DPYSL2: variants seen among roughly 807,000 people sequenced by gnomAD.
The protein encoded by DPYSL2 is dihydropyrimidinase-related protein 2.
Under a neutral mutation model 69.9 loss-of-function variants are expected in DPYSL2, and 13 were observed. The ratio of observed to expected loss-of-function variants is 0.19; its 90% CI spans 0.12 to 0.30. The LOEUF (loss-of-function observed/expected upper bound fraction) is 0.30. Among genes scored for constraint, DPYSL2 ranks in the 10% least tolerant of loss-of-function variants. DPYSL2 has a pLI of 1.00. For synonymous variants in DPYSL2, 326 were observed against 359.1 expected (o/e 0.91, Z 1.04); for missense variants, 587 against 918.9 (o/e 0.64, Z 4.67).
At chr8:26,561,698 A>G (rs900463801) in intron 1 of DPYSL2, among the ~76,000 whole-genome samples, 1 of 152,210 alleles carries the variant, frequency 6.6e-6, no homozygotes, top group South Asian at 2.1e-4. Flanking sequence ...TTTTGGGATG[A>G]AACTGTCCCA....
rs934822964 is a variant in DPYSL2, at chr8:26,627,535, C to T, written c.936+240C>T. Among the ~76,000 whole-genome samples, 5 of 152,152 alleles carry T rather than the reference C, an allele frequency of 3.3e-5. No individual in the cohort carries two copies. Among genetic ancestry groups the T allele is most frequent in the African/African-American group, 4.8e-5 (2 of 41,438 alleles). ...TATTGCAGAGAGAGGCCATTTCTCT[C>T]GGTGCTGTAACGCAGCTGCCTTGGG... On this transcript the variant is annotated intron_variant, in intron 6 of 13. Transcript: ENST00000521913. This position sits in a 1 kb window ranked among gnomAD's most constrained non-coding sequence, Gnocchi z 6.9.
At chr8:26,604,055 A>G (rs1403216458) in intron 3 of DPYSL2, among the ~76,000 whole-genome samples, 2 of 152,198 alleles carry the variant, frequency 1.3e-5, no homozygotes, top group East Asian at 1.9e-4. Context: ...CTGATTTGTC[A>G]TATAATTTCA....
chr8:26,648,048 G>A lies in DPYSL2; in HGVS notation c.1596+248G>A, dbSNP rs58217714. Among the ~76,000 whole-genome samples, 962 of 152,232 alleles carry A rather than the reference G, an allele frequency of 6.3e-3. 11 individuals are homozygous for A. Among genetic ancestry groups the A allele is most frequent in the African/African-American group, 0.022 (927 of 41,534 alleles). Reference sequence around the variant, plus strand: ...GCCTCTCTATCTATAGACCTTTAGAGCCTCTAAAGTGATGTCAGGATGTGC... The same window carrying A: ...GCCTCTCTATCTATAGACCTTTAGAACCTCTAAAGTGATGTCAGGATGTGC... On this transcript the variant is annotated intron_variant, in intron 11 of 13. Transcript: ENST00000521913. The surrounding 1 kb of genome is among the most constrained non-coding windows in gnomAD (Gnocchi z 4.3).
At chr8:26,600,063 G>A (rs1282119292) in intron 3 of DPYSL2, among the ~76,000 whole-genome samples, 1 of 152,124 alleles carries the variant, frequency 6.6e-6, no homozygotes, top group Non-Finnish European at 1.5e-5. Context: ...TGTTTTCAAG[G>A]TTTATCCAAG....
At position 26,598,927 on chromosome 8, in the gene DPYSL2, C is replaced by T. The variant is rs1801928707; in HGVS notation, c.628+14944C>T. 6.6e-6 allele frequency among the ~76,000 whole-genome samples: 1 copy of T among 152,216 alleles called. No individual in the cohort carries two copies. Among genetic ancestry groups the T allele is most frequent in the Admixed American group, 6.5e-5 (1 of 15,288 alleles). On this transcript the variant is annotated intron_variant, in intron 3 of 13. Transcript: ENST00000521913. This position sits in a 1 kb window ranked among gnomAD's most constrained non-coding sequence, Gnocchi z 4.2. ...CCCACTGTGCGTATTCTTAGCTGCG[C>T]AAGTGTCGTGCATGTGCGTTTGGCT...
intron 1 of DPYSL2, chr8:26,578,121 C>G: frequency 6.5e-7 from 1 of 1,541,948 alleles, no homozygotes; most frequent in Non-Finnish European, 8.7e-7. Context: ...ATAGCAAGAC[C>G]AGCGAAGCGG....
chr8:26,517,652 AG>A lies in DPYSL2; in HGVS notation c.354+2974del, dbSNP rs1808313933. Among the ~76,000 whole-genome samples, 1 of 152,196 alleles carries A rather than the reference AG, an allele frequency of 6.6e-6. No homozygotes were observed. The highest frequency in any genetic ancestry group is 2.1e-4 in the South Asian group (1 of 4,834). ...CTCCAGACACAGCGTAGCCAGAACC[AG>A]TGGCTCCACCAGCAATACTGGACCA... On this transcript the variant is annotated intron_variant, in intron 1 of 13. Coordinates refer to ENST00000521913, the MANE Select transcript of DPYSL2 (RefSeq NM_001197293.3). This position sits in a 1 kb window ranked among gnomAD's most constrained non-coding sequence, Gnocchi z 4.2.
intron 1 of DPYSL2, chr8:26,577,048 C>G (rs2129709696): frequency 2.6e-6 from 1 of 390,684 alleles, no homozygotes; most frequent in Admixed American, 2.9e-5. Flanking sequence ...CTAAGTTCCT[C>G]GCGGCCGGAA....
chr8:26,648,316 C>T lies in DPYSL2; in HGVS notation c.1596+516C>T, dbSNP rs60720975. On this transcript the variant is annotated intron_variant, in intron 11 of 13. Coordinates refer to ENST00000521913, the MANE Select transcript of DPYSL2 (RefSeq NM_001197293.3). This position sits in a 1 kb window ranked among gnomAD's most constrained non-coding sequence, Gnocchi z 4.3. Reference sequence around the variant, plus strand: ...GACTGACTTCTCCCTAACAGAAGTACCCCCCAGCCATTTGATTGTTGTTTT... The same window carrying T: ...GACTGACTTCTCCCTAACAGAAGTATCCCCCAGCCATTTGATTGTTGTTTT... 2.2e-3 allele frequency among the ~76,000 whole-genome samples: 328 copies of T among 152,286 alleles called. 1 individual carries two copies. The highest frequency in any genetic ancestry group is 7.5e-3 in the African/African-American group (310 of 41,550).
intron 1 of DPYSL2, among the ~76,000 whole-genome samples, chr8:26,526,641 C>T (rs1808482543): frequency 2.0e-5 from 3 of 152,142 alleles, no homozygotes; most frequent in African/African-American, 4.8e-5. Flanking sequence ...CCTCTTTTGT[C>T]ATTGTTTGAA....
Position 26,626,499 on chromosome 8 carries a change from AC to A in DPYSL2, c.794-117del. ...TGTACTGAAACACACACACACACAC[AC>A]ACACACACACACACACACACACGTA... is the stretch of plus-strand genomic sequence containing the variant. On this transcript the variant is annotated intron_variant, in intron 4 of 13. Coordinates refer to ENST00000521913, the MANE Select transcript of DPYSL2 (RefSeq NM_001197293.3). This position sits in a 1 kb window ranked among gnomAD's most constrained non-coding sequence, Gnocchi z 4.3. 1.4e-6 allele frequency: 1 copy of A among 739,810 alleles called. No homozygotes were observed. 45.8% of individuals were successfully genotyped at this position (739,810 alleles called of 1,614,324 possible).
At chr8:26,547,916 C>A (rs1032228140) in intron 1 of DPYSL2, 15 of 269,940 alleles carry the variant, frequency 5.6e-5, no homozygotes, top group Admixed American at 5.3e-4. Flanking sequence ...CCATCCCAGA[C>A]CCTCTATCCA....
rs150016990 is a variant in DPYSL2, at chr8:26,645,825, C to T, written c.1425+1734C>T. On this transcript the variant is annotated intron_variant, in intron 10 of 13. Transcript: ENST00000521913. The stretch of plus-strand genomic sequence containing the variant: ...TTGACCTCCCAAAGTGCTGGCATTA[C>T]AGATGTGAGCCACCATGCCTGGCCA... Among the ~76,000 whole-genome samples, 800 of 152,070 alleles carry T rather than the reference C, an allele frequency of 5.3e-3. 4 individuals are homozygous for T. Among genetic ancestry groups the T allele is most frequent in the Middle Eastern group, 0.014 (4 of 294 alleles).
intron 1 of DPYSL2, among the ~76,000 whole-genome samples, chr8:26,559,820 G>T (rs574707556): frequency 1.3e-5 from 2 of 152,146 alleles, no homozygotes; most frequent in South Asian, 4.2e-4. Flanking sequence ...GCTTCTCAAG[G>T]TTCCCTCTAA....
chr8:26,583,329 C>CTTTTTTTTTT (rs71553807), intron 2 of DPYSL2, among the ~76,000 whole-genome samples: 3 of 139,070 alleles, frequency 2.2e-5, no homozygotes, highest in African/African-American at 2.6e-5. Flanking sequence ...ATAGTGTTCA[C>CTTTTTTTTTT]TTTTTTTTTT....
chr8:26,554,167 C>T (rs761113228), intron 1 of DPYSL2, among the ~76,000 whole-genome samples: 11 of 152,098 alleles, frequency 7.2e-5, no homozygotes, highest in Non-Finnish European at 1.3e-4. Context: ...GGATTACAGG[C>T]ATGAGCTACC....
intron 3 of DPYSL2, among the ~76,000 whole-genome samples, chr8:26,623,100 G>T (rs1323790399): frequency 2.0e-5 from 3 of 152,180 alleles, no homozygotes; most frequent in Admixed American, 2.0e-4. Flanking sequence ...TGTTAACTGG[G>T]TGAGAGCTCT....
At chr8:26,584,039 T>G in intron 3 of DPYSL2, 56 bp downstream of exon 3, 1 of 1,534,764 alleles carries the variant, frequency 6.5e-7, no homozygotes, top group Non-Finnish European at 8.9e-7. Flanking sequence ...AGTTTGCAAA[T>G]AAGTCTATTG....
At chr8:26,556,150 AC>A (rs369279706) in intron 1 of DPYSL2, among the ~76,000 whole-genome samples, 6,265 of 10,942 alleles carry the variant, frequency 0.57, 2,362 homozygotes, top group Middle Eastern at 1. Flanking sequence ...TATAGTATAT[AC>A]TATATATAGT....
Sources: allele counts gnomAD v4.1 joint callset (sites outside exome capture counted in the v4.1 genomes callset), GRCh38; gene constraint gnomAD v4.1.1; non-coding constraint Gnocchi (gnomAD v3.1); transcripts MANE v1.5; gene names NCBI Gene and HGNC (gene_info 2026-07-23, HGNC 2026-07-21).